Variants in MAML2 observed in about 807,000 individuals in gnomAD.
MAML2 encodes the protein mastermind like transcriptional coactivator 2.
MAML2 carries 22 observed loss-of-function variants against 96.1 expected under a neutral mutation model. That is an observed-to-expected ratio of 0.23 (90% CI 0.16 to 0.33). The LOEUF (loss-of-function observed/expected upper bound fraction) is 0.33. MAML2 is among the 10% of genes least tolerant of loss of function. MAML2 has a pLI of 1.00. For synonymous variants in MAML2, 561 were observed against 521.3 expected (o/e 1.08, Z -1.04); for missense variants, 1,367 against 1,392.4 (o/e 0.98, Z 0.29).
intron 1 of MAML2, among the ~76,000 whole-genome samples, chr11:96,093,781 A>T (rs1859780973): frequency 1.3e-5 from 2 of 152,242 alleles, no homozygotes; most frequent in South Asian, 4.1e-4. Flanking sequence ...AGTGGTTCAT[A>T]GGTCAATGGA....
chr11:96,079,939 T>C lies in MAML2; in HGVS notation c.2139+11953A>G, dbSNP rs58833297. Among the ~76,000 whole-genome samples, 47 of 152,264 alleles carry C rather than the reference T, an allele frequency of 3.1e-4. 2 individuals carry two copies. In the East Asian group the frequency reaches 9.1e-3, roughly 29 times the overall value. The stretch of plus-strand genomic sequence containing the variant: ...AGGGCTGCTGTGGAGATGAGATGTA[T>C]CAGTGTGGAAAACATATTGAGAAAT... On this transcript the variant is annotated intron_variant, in intron 2 of 4. Coordinates refer to ENST00000524717, the MANE Select transcript of MAML2 (RefSeq NM_032427.4).
chr11:96,140,399 C>G (rs1055553167), intron 1 of MAML2, among the ~76,000 whole-genome samples: 8 of 152,188 alleles, frequency 5.3e-5, no homozygotes, highest in African/African-American at 1.7e-4. Flanking sequence ...GTTATTGCCT[C>G]TGGTGAGGTA....
At chr11:95,992,374 T>A (rs1213966997) in intron 2 of MAML2, among the ~76,000 whole-genome samples, 1 of 152,198 alleles carries the variant, frequency 6.6e-6, no homozygotes, top group East Asian at 1.9e-4. Context: ...AAAATATTGA[T>A]TAAAAACTCA....
chr11:96,060,098 G>T (rs956954116), intron 2 of MAML2, among the ~76,000 whole-genome samples: 1 of 152,200 alleles, frequency 6.6e-6, no homozygotes, highest in Non-Finnish European at 1.5e-5. Flanking sequence ...CAGCACAAAG[G>T]CATGAAGGAA....
Position 96,329,362 on chromosome 11 carries a change from C to T in MAML2, c.513+12021G>A, listed in dbSNP as rs530586918. 3.9e-5 allele frequency among the ~76,000 whole-genome samples: 6 copies of T among 152,318 alleles called. No individual in the cohort carries two copies. The East Asian group carries it at 9.6e-4, about 24-fold the overall frequency. ...TAATATGGCTTGGACCTCCCCCTTC[C>T]GCCATGGCTGGACCTTGTCCCCCAC... is the stretch of plus-strand genomic sequence containing the variant. On this transcript the variant is annotated intron_variant, in intron 1 of 4. Transcript: ENST00000524717.
intron 2 of MAML2, among the ~76,000 whole-genome samples, chr11:96,033,021 C>T (rs687782): frequency 0.48 from 72,621 of 152,112 alleles, 17,479 homozygotes; most frequent in Middle Eastern, 0.6. Context: ...AAATTTGTAG[C>T]ATGTAAATTA....
At chr11:96,186,292 A>G (rs1005940774) in intron 1 of MAML2, among the ~76,000 whole-genome samples, 1 of 152,250 alleles carries the variant, frequency 6.6e-6, no homozygotes, top group African/African-American at 2.4e-5. Flanking sequence ...AAAGTGTACT[A>G]TAAAAGTGGG....
chr11:96,067,243 T>C (rs1808506455), intron 2 of MAML2, among the ~76,000 whole-genome samples: 1 of 152,216 alleles, frequency 6.6e-6, no homozygotes, highest in Admixed American at 6.5e-5. Context: ...GCATGCATTT[T>C]TCTCAAGCCA....
At chr11:96,329,047 A>G (rs557879876) in intron 1 of MAML2, among the ~76,000 whole-genome samples, 7 of 152,320 alleles carry the variant, frequency 4.6e-5, no homozygotes, top group Admixed American at 3.9e-4. Context: ...AAGACTAGTT[A>G]GTTCTTTAGT....
At chr11:96,216,622 T>C (rs569183281) in intron 1 of MAML2, among the ~76,000 whole-genome samples, 28 of 152,278 alleles carry the variant, frequency 1.8e-4, no homozygotes, top group African/African-American at 6.5e-4. Context: ...ATAAAATGCT[T>C]ATGGATCATT....
At chr11:96,126,997 A>G (rs1860450448) in intron 1 of MAML2, among the ~76,000 whole-genome samples, 1 of 152,184 alleles carries the variant, frequency 6.6e-6, no homozygotes, top group African/African-American at 2.4e-5. Context: ...CTGCCATAGA[A>G]CACAGTCTCA....
At chr11:96,210,259 G>A (rs1252867104) in intron 1 of MAML2, among the ~76,000 whole-genome samples, 5 of 152,038 alleles carry the variant, frequency 3.3e-5, no homozygotes, top group African/African-American at 4.8e-5. Flanking sequence ...ACAGGCACCC[G>A]ACACCACGCC....
At chr11:96,180,899 C>T (rs561018586) in intron 1 of MAML2, among the ~76,000 whole-genome samples, 44 of 149,840 alleles carry the variant, frequency 2.9e-4, no homozygotes, top group African/African-American at 9.9e-4. Context: ...AGGAAAATTA[C>T]AGTCAAAGGG....
chr11:96,186,358 G>A (rs1486979225), intron 1 of MAML2, among the ~76,000 whole-genome samples: 1 of 152,206 alleles, frequency 6.6e-6, no homozygotes, highest in Non-Finnish European at 1.5e-5. Flanking sequence ...GGGAGGCCAC[G>A]GTGGGCGGAT....
chr11:96,126,175 A>G (rs899987548), intron 1 of MAML2, among the ~76,000 whole-genome samples: 1 of 152,204 alleles, frequency 6.6e-6, no homozygotes, highest in Admixed American at 6.5e-5. Context: ...GGACATTGTC[A>G]CTGGTCTTCT....
chr11:96,041,145 G>A lies in MAML2; in HGVS notation c.2140-49422C>T, dbSNP rs548322670. Among the ~76,000 whole-genome samples the A allele has an allele frequency of 5.9e-5, 9 of 152,094 alleles. No individual in the cohort carries two copies. The South Asian group carries it at 1.7e-3, about 28-fold the overall frequency. ...TGAACATTCTGAACACATGGATTTT[G>A]GTAAGGGTATGGATTTTCAAGTAGG... On this transcript the variant is annotated intron_variant, in intron 2 of 4. Transcript: ENST00000524717.
intron 1 of MAML2, among the ~76,000 whole-genome samples, chr11:96,240,568 A>C (rs1288577676): frequency 6.9e-6 from 1 of 145,708 alleles, no homozygotes; most frequent in Non-Finnish European, 1.5e-5. Context: ...AAAAAAAAAA[A>C]AAAAAAAAAA....
chr11:96,238,371 T>G (rs1023470877), intron 1 of MAML2, among the ~76,000 whole-genome samples: 1 of 152,216 alleles, frequency 6.6e-6, no homozygotes, highest in African/African-American at 2.4e-5. Context: ...ATTCTTTACT[T>G]GCAAGTGAGA....
At chr11:96,248,692 CA>C (rs887495783) in intron 1 of MAML2, among the ~76,000 whole-genome samples, 7 of 150,792 alleles carry the variant, frequency 4.6e-5, no homozygotes, top group Admixed American at 3.3e-4. Flanking sequence ...TTTAAAAATA[CA>C]AAAAAAAATC....
Sources: allele counts gnomAD v4.1 joint callset (sites outside exome capture counted in the v4.1 genomes callset), GRCh38; gene constraint gnomAD v4.1.1; transcripts MANE v1.5; gene names NCBI Gene and HGNC (gene_info 2026-07-23, HGNC 2026-07-21).